Variants in FBXL7 observed in about 807,000 individuals in gnomAD.
FBXL7 encodes F-box/LRR-repeat protein 7.
A neutral mutation model predicts 38.3 loss-of-function variants in FBXL7; 12 were observed. The observed-to-expected ratio is 0.31, with a 90% CI of 0.20 to 0.51. The LOEUF (loss-of-function observed/expected upper bound fraction) is 0.51, where lower values mean the gene tolerates loss of function less well. Ranked by LOEUF, FBXL7 falls within the 20% of genes least tolerant of loss-of-function variation. The probability of loss-of-function intolerance (pLI) is 0.98; values close to 1 mark genes in which losing one functional copy is unlikely to be tolerated. For missense variants in FBXL7, 567 were observed against 676.4 expected (o/e 0.84, Z 1.79); for synonymous variants, 297 against 300.9 (o/e 0.99, Z 0.13).
chr5:15,890,399 GC>G (rs1740851810), intron 2 of FBXL7, among the ~76,000 whole-genome samples: 1 of 151,946 alleles, frequency 6.6e-6, no homozygotes, highest in Admixed American at 6.6e-5. Flanking sequence ...CAGGCATGAC[GC>G]CCAGCTAATT....
At chr5:15,784,907 A>T (rs942876903) in intron 2 of FBXL7, among the ~76,000 whole-genome samples, 3 of 152,136 alleles carry the variant, frequency 2.0e-5, no homozygotes, top group Non-Finnish European at 4.4e-5. Flanking sequence ...ATTAGCTTCT[A>T]TTTCACTAGC....
chr5:15,571,697 C>A (rs1297433032), intron 1 of FBXL7, among the ~76,000 whole-genome samples: 1 of 152,108 alleles, frequency 6.6e-6, no homozygotes, highest in Non-Finnish European at 1.5e-5. Flanking sequence ...CCTGGGTCCA[C>A]CTCAATGCCA....
At chr5:15,820,417 C>A (rs998842760) in intron 2 of FBXL7, among the ~76,000 whole-genome samples, 5 of 152,054 alleles carry the variant, frequency 3.3e-5, no homozygotes, top group East Asian at 1.9e-4. Flanking sequence ...TGTCTTACCC[C>A]GCCTTTCACT....
chr5:15,889,755 A>C (rs1740824760), intron 2 of FBXL7, among the ~76,000 whole-genome samples: 1 of 152,174 alleles, frequency 6.6e-6, no homozygotes, highest in Admixed American at 6.5e-5. Flanking sequence ...GCATTTGTAA[A>C]TGACTGCAGG....
At chr5:15,690,780 A>T (rs75279560) in intron 2 of FBXL7, among the ~76,000 whole-genome samples, 9,173 of 152,242 alleles carry the variant, frequency 0.06, 394 homozygotes, top group Non-Finnish European at 0.091. Flanking sequence ...TGGTTACCAG[A>T]GGCTGGGAAT....
At chr5:15,811,987 G>A (rs1281378097) in intron 2 of FBXL7, among the ~76,000 whole-genome samples, 1 of 152,104 alleles carries the variant, frequency 6.6e-6, no homozygotes, top group African/African-American at 2.4e-5. Flanking sequence ...CCATTACTGG[G>A]TATATACCCA....
chr5:15,645,299 A>T (rs529403363), intron 2 of FBXL7, among the ~76,000 whole-genome samples: 1 of 152,162 alleles, frequency 6.6e-6, no homozygotes, highest in African/African-American at 2.4e-5. Context: ...CCTGCCTCCC[A>T]TTCTACTCAA....
intron 2 of FBXL7, among the ~76,000 whole-genome samples, chr5:15,685,352 G>T (rs1742984821): frequency 6.6e-6 from 1 of 152,140 alleles, no homozygotes; most frequent in Non-Finnish European, 1.5e-5. Flanking sequence ...AAAGGACTTG[G>T]AAGCAACTGC....
chr5:15,772,165 A>G (rs1375679932), intron 2 of FBXL7, among the ~76,000 whole-genome samples: 5 of 152,170 alleles, frequency 3.3e-5, no homozygotes, highest in African/African-American at 1.2e-4. Flanking sequence ...TATTATAAGT[A>G]CACATGCTCT....
At chr5:15,920,282 C>G (rs1477957508) in intron 2 of FBXL7, among the ~76,000 whole-genome samples, 1 of 151,908 alleles carries the variant, frequency 6.6e-6, no homozygotes, top group African/African-American at 2.4e-5. Context: ...GCTTTATAAT[C>G]TAGTTAAATG....
intron 2 of FBXL7, among the ~76,000 whole-genome samples, chr5:15,695,600 T>C (rs1035936043): frequency 6.6e-6 from 1 of 152,174 alleles, no homozygotes. Context: ...TCTTAGTGAT[T>C]AGTCACAACA....
intron 2 of FBXL7, among the ~76,000 whole-genome samples, chr5:15,763,822 G>A (rs1736515840): frequency 6.6e-6 from 1 of 152,202 alleles, no homozygotes; most frequent in African/African-American, 2.4e-5. Flanking sequence ...TATATGAGAA[G>A]GGATTTATTA....
intron 2 of FBXL7, among the ~76,000 whole-genome samples, chr5:15,803,937 G>A (rs1737638206): frequency 6.6e-6 from 1 of 152,074 alleles, no homozygotes; most frequent in South Asian, 2.1e-4. Context: ...ACTCCATACA[G>A]GTCCTTTGTG....
At chr5:15,587,985 T>C (rs907122202) in intron 1 of FBXL7, among the ~76,000 whole-genome samples, 1 of 152,198 alleles carries the variant, frequency 6.6e-6, no homozygotes, top group Non-Finnish European at 1.5e-5. Context: ...ACTCTCTGAA[T>C]TCTGGGATCC....
At position 15,825,008 on chromosome 5, in the gene FBXL7, G is replaced by A. The variant is rs59765166; in HGVS notation, c.128-102882G>A. Among the ~76,000 whole-genome samples the A allele has an allele frequency of 5.1e-3, 774 of 152,106 alleles. 8 individuals carry two copies. The highest frequency in any genetic ancestry group is 0.018 in the African/African-American group (731 of 41,494). ...TTCATTGCGATATGTTTTTATTTTC[G>A]TAAATCAAATATATTAATTTTGGAA... On this transcript the variant is annotated intron_variant, in intron 2 of 3. Transcript: ENST00000504595.
chr5:15,755,305 C>A (rs1052300050), intron 2 of FBXL7, among the ~76,000 whole-genome samples: 1 of 152,156 alleles, frequency 6.6e-6, no homozygotes, highest in African/African-American at 2.4e-5. Context: ...CATCCAAGAA[C>A]TTCTCTTATC....
At chr5:15,517,135 T>A (rs994937260) in intron 1 of FBXL7, among the ~76,000 whole-genome samples, 2 of 152,064 alleles carry the variant, frequency 1.3e-5, no homozygotes, top group African/African-American at 4.8e-5. Flanking sequence ...CACGCCATTC[T>A]CCTGCCTCAG....
chr5:15,800,735 C>T (rs1438536778), intron 2 of FBXL7, among the ~76,000 whole-genome samples: 1 of 152,124 alleles, frequency 6.6e-6, no homozygotes, highest in Admixed American at 6.6e-5. Context: ...GCATATAGAC[C>T]ACTGGACTTG....
chr5:15,629,627 G>A (rs1019938319), intron 2 of FBXL7, among the ~76,000 whole-genome samples: 1 of 152,122 alleles, frequency 6.6e-6, no homozygotes, highest in Non-Finnish European at 1.5e-5. Context: ...CTGCATGAGA[G>A]TTTTGTGTAT....
Sources: allele counts gnomAD v4.1 joint callset (sites outside exome capture counted in the v4.1 genomes callset), GRCh38; gene constraint gnomAD v4.1.1; transcripts MANE v1.5; gene names NCBI Gene and HGNC (gene_info 2026-07-23, HGNC 2026-07-21).